The following SPAG16 variants were observed in gnomAD, a reference collection of about 807,000 sequenced individuals.
SPAG16 encodes the protein sperm associated antigen 16.
SPAG16 carries 86 observed loss-of-function variants against 80.4 expected under a neutral mutation model. The ratio of observed to expected loss-of-function variants is 1.07; its 90% confidence interval spans 0.90 to 1.28. The LOEUF is 1.28. SPAG16 is among the 50% of genes most tolerant of loss of function. The pLI is 0.00. For missense variants in SPAG16, 870 were observed against 765.3 expected (o/e 1.14, Z -1.61); for synonymous variants, 294 against 265.9 (o/e 1.11, Z -1.03).
chr2:214,104,479 C>T (rs995855818), intron 13 of SPAG16, among the ~76,000 whole-genome samples: 1 of 151,862 alleles, frequency 6.6e-6, no homozygotes, highest in East Asian at 1.9e-4. Context: ...TGATGGCCTG[C>T]CCCCAGAGTG....
chr2:214,333,697 C>T (rs1283100689), intron 15 of SPAG16, among the ~76,000 whole-genome samples: 1 of 152,206 alleles, frequency 6.6e-6, no homozygotes, highest in Non-Finnish European at 1.5e-5. Context: ...GCCATCCCCA[C>T]ACTGAGACTT....
chr2:213,501,135 A>G (rs563477373), intron 10 of SPAG16, among the ~76,000 whole-genome samples: 1 of 152,214 alleles, frequency 6.6e-6, no homozygotes, highest in South Asian at 2.1e-4. Context: ...CACATTCCTG[A>G]TCTCAATAGG....
chr2:214,222,332 G>C (rs1464579608), intron 15 of SPAG16, among the ~76,000 whole-genome samples: 1 of 151,870 alleles, frequency 6.6e-6, no homozygotes, highest in Non-Finnish European at 1.5e-5. Flanking sequence ...GGCCAGCCTG[G>C]TCTTGAACTC....
intron 10 of SPAG16, among the ~76,000 whole-genome samples, chr2:213,744,082 G>A (rs79444819): frequency 0.025 from 3,798 of 152,216 alleles, 155 homozygotes; most frequent in African/African-American, 0.086. Flanking sequence ...TTCCTTCAGA[G>A]GATTTACTTT....
At chr2:214,064,137 G>A (rs536762100) in intron 13 of SPAG16, among the ~76,000 whole-genome samples, 10 of 151,996 alleles carry the variant, frequency 6.6e-5, no homozygotes, top group South Asian at 4.1e-4. Flanking sequence ...ATTTCAAAAC[G>A]TGTCTTTGGA....
chr2:213,482,776 A>C (rs920732396), intron 9 of SPAG16, among the ~76,000 whole-genome samples: 1 of 152,152 alleles, frequency 6.6e-6, no homozygotes, highest in African/African-American at 2.4e-5. Flanking sequence ...TCTAGGAACC[A>C]GATTGTTAAT....
chr2:214,108,197 G>GTA lies in SPAG16; in HGVS notation c.1533_1534dup (p.Cys512TyrfsTer24), dbSNP rs1325578785. On this transcript the variant is annotated frameshift_variant and splice_region_variant, in exon 14 of 16. Coordinates refer to ENST00000331683, the MANE Select transcript of SPAG16 (RefSeq NM_024532.5). LOFTEE classifies it high-confidence loss of function. ...TCTGTTTCTGCTTTGTCTTCCTAGG[G>GTA]TATATGTGAGCAGTCACTTTATGGT... 6.3e-7 allele frequency: 1 copy of GTA among 1,581,082 alleles called. No individual in the cohort carries two copies. Among genetic ancestry groups the GTA allele is most frequent in the East Asian group, 2.3e-5 (1 of 44,360 alleles).
At chr2:214,305,751 A>G (rs569132117) in intron 15 of SPAG16, among the ~76,000 whole-genome samples, 1 of 152,124 alleles carries the variant, frequency 6.6e-6, no homozygotes. Flanking sequence ...TTTTACCAGA[A>G]CCATGCTGTT....
At chr2:214,275,257 T>G (rs1248230921) in intron 15 of SPAG16, among the ~76,000 whole-genome samples, 1 of 152,202 alleles carries the variant, frequency 6.6e-6, no homozygotes, top group African/African-American at 2.4e-5. Context: ...GCTGCTAGAT[T>G]CATTAATTTT....
intron 12 of SPAG16, among the ~76,000 whole-genome samples, chr2:213,972,483 C>G (rs2045124595): frequency 6.6e-6 from 1 of 152,068 alleles, no homozygotes; most frequent in Non-Finnish European, 1.5e-5. Context: ...AGGTGGATGT[C>G]CCAGCTCAAG....
intron 1 of SPAG16, among the ~76,000 whole-genome samples, chr2:213,294,578 A>G (rs2062425316): frequency 6.6e-6 from 1 of 152,220 alleles, no homozygotes; most frequent in Non-Finnish European, 1.5e-5. Context: ...CTATGTTATT[A>G]GGAGAGGCAC....
intron 10 of SPAG16, among the ~76,000 whole-genome samples, chr2:213,592,685 C>T (rs975283617): frequency 1.3e-5 from 2 of 152,136 alleles, no homozygotes; most frequent in African/African-American, 4.8e-5. Context: ...GAGCTGTTAT[C>T]CATGTGTGCT....
At chr2:213,498,091 A>T (rs1437069074) in intron 10 of SPAG16, among the ~76,000 whole-genome samples, 1 of 152,162 alleles carries the variant, frequency 6.6e-6, no homozygotes, top group African/African-American at 2.4e-5. Flanking sequence ...TTAGTATTTC[A>T]AACTATATTA....
chr2:213,960,982 T>C (rs1029672620), intron 12 of SPAG16, among the ~76,000 whole-genome samples: 1 of 152,162 alleles, frequency 6.6e-6, no homozygotes, highest in Non-Finnish European at 1.5e-5. Flanking sequence ...CTGGCTCCCA[T>C]AAGCTACGGA....
intron 15 of SPAG16, among the ~76,000 whole-genome samples, chr2:214,204,743 A>G (rs191659042): frequency 3.1e-4 from 47 of 152,278 alleles, no homozygotes; most frequent in Non-Finnish European, 5.4e-4. Context: ...CAGAAAAACA[A>G]TTCTGGTAAT....
At chr2:213,691,154 T>C (rs918069694) in intron 10 of SPAG16, among the ~76,000 whole-genome samples, 1 of 152,098 alleles carries the variant, frequency 6.6e-6, no homozygotes, top group Non-Finnish European at 1.5e-5. Flanking sequence ...ATAAGCCTAA[T>C]CACCCTACTT....
intron 10 of SPAG16, among the ~76,000 whole-genome samples, chr2:213,707,392 TACTC>T (rs2065804170): frequency 6.6e-6 from 1 of 152,232 alleles, no homozygotes; most frequent in South Asian, 2.1e-4. Flanking sequence ...GACTCACTGT[TACTC>T]ACTCTTCATG....
intron 14 of SPAG16, among the ~76,000 whole-genome samples, chr2:214,130,251 A>C (rs1433390709): frequency 6.6e-6 from 1 of 152,146 alleles, no homozygotes; most frequent in Non-Finnish European, 1.5e-5. Flanking sequence ...TTATCTTGAC[A>C]ACAACAGAAA....
intron 10 of SPAG16, among the ~76,000 whole-genome samples, chr2:213,835,547 G>A (rs866487752): frequency 2.0e-5 from 3 of 152,048 alleles, no homozygotes; most frequent in Non-Finnish European, 2.9e-5. Flanking sequence ...GGTCTCCCTG[G>A]TTGGATGTCC....
Sources: allele counts gnomAD v4.1 joint callset (sites outside exome capture counted in the v4.1 genomes callset), GRCh38; gene constraint gnomAD v4.1.1; transcripts MANE v1.5; gene names NCBI Gene and HGNC (gene_info 2026-07-23, HGNC 2026-07-21).